The following TCERG1L variants were observed in gnomAD, a reference collection of about 807,000 sequenced individuals.
TCERG1L encodes the protein transcription elongation regulator 1-like protein.
Under a neutral mutation model 56.3 loss-of-function variants are expected in TCERG1L, and 37 were observed. The observed-to-expected ratio is 0.66, with a 90% CI of 0.51 to 0.87. TCERG1L has a LOEUF of 0.87. TCERG1L is among the 40% of genes least tolerant of loss of function. The pLI, the probability that TCERG1L is intolerant of heterozygous loss-of-function variation, is 0.00. For missense variants in TCERG1L, 799 were observed against 774.2 expected, an observed-to-expected ratio of 1.03 and a Z score of -0.38; for synonymous variants, 324 against 326.3, an observed-to-expected ratio of 0.99 and a Z score of 0.08.
intron 6 of TCERG1L, chr10:131,162,775 A>C (rs1400962318): frequency 5.3e-6 from 1 of 190,372 alleles, no homozygotes; most frequent in Non-Finnish European, 1.1e-5. Flanking sequence ...ACTGCCATTC[A>C]GTTACGATTC....
intron 4 of TCERG1L, among the ~76,000 whole-genome samples, chr10:131,257,049 G>GAAAGAAAAAGAAAAGA (rs1846180516): frequency 4.0e-4 from 56 of 140,358 alleles, no homozygotes; most frequent in African/African-American, 1.4e-3. Context: ...AAGAAAGAAA[G>GAAAGAAAAAGAAAAGA]AAAGAAAAGA....
chr10:131,127,609 G>T (rs1380404918), intron 8 of TCERG1L, among the ~76,000 whole-genome samples: 1 of 152,220 alleles, frequency 6.6e-6, no homozygotes, highest in African/African-American at 2.4e-5. Context: ...GAGATGCCAG[G>T]GAATGGAGGG....
intron 4 of TCERG1L, among the ~76,000 whole-genome samples, chr10:131,228,272 G>A (rs867204536): frequency 6.6e-4 from 51 of 76,692 alleles, no homozygotes; most frequent in African/African-American, 2.5e-3. Context: ...CAAGGCCTCC[G>A]GAGTCTCCCC....
rs117181829 is a variant in TCERG1L, at chr10:131,170,221, C to T, written c.857-3336G>A. ...TGGGTCTGCGTGTCAGCCATTCCAC[C>T]GTGGAAGTGCTTATTCTACGGCTCT... On this transcript the variant is annotated intron_variant, in intron 4 of 11. Coordinates refer to ENST00000368642, the MANE Select transcript of TCERG1L (RefSeq NM_174937.4). 7.1e-4 allele frequency among the ~76,000 whole-genome samples: 108 copies of T among 152,162 alleles called. No homozygotes were observed. The East Asian group carries it at 0.02, about 28-fold the overall frequency.
At chr10:131,147,954 G>A (rs932269914) in intron 6 of TCERG1L, among the ~76,000 whole-genome samples, 5 of 152,204 alleles carry the variant, frequency 3.3e-5, no homozygotes, top group African/African-American at 1.2e-4. Flanking sequence ...GCCAGGCAGA[G>A]GGCTCAGGGC....
chr10:131,131,162 G>A (rs774293638), intron 8 of TCERG1L, among the ~76,000 whole-genome samples: 4 of 152,112 alleles, frequency 2.6e-5, no homozygotes, highest in South Asian at 2.1e-4. Flanking sequence ...GATTCGAGCC[G>A]CGGTGTCCAG....
intron 4 of TCERG1L, among the ~76,000 whole-genome samples, chr10:131,243,002 T>C (rs1435178404): frequency 6.6e-6 from 1 of 152,202 alleles, no homozygotes; most frequent in Admixed American, 6.5e-5. Context: ...GGTCACCATT[T>C]TGTGAAACTC....
At chr10:131,119,856 G>A (rs1845496296) in intron 8 of TCERG1L, among the ~76,000 whole-genome samples, 1 of 152,234 alleles carries the variant, frequency 6.6e-6, no homozygotes, top group African/African-American at 2.4e-5. Context: ...AGCCAGGGAG[G>A]TAGCCTTACT....
At chr10:131,292,875 C>T (rs1434531900) in intron 3 of TCERG1L, among the ~76,000 whole-genome samples, 2 of 144,454 alleles carry the variant, frequency 1.4e-5, no homozygotes, top group Non-Finnish European at 3.0e-5. Flanking sequence ...TTTTTTGAGA[C>T]AGAATCTTGC....
chr10:131,197,859 C>T (rs998967168), intron 4 of TCERG1L, among the ~76,000 whole-genome samples: 3 of 152,188 alleles, frequency 2.0e-5, no homozygotes, highest in Admixed American at 6.5e-5. Context: ...ATCACATAAT[C>T]GAGGAAATTG....
chr10:131,291,620 G>A (rs1846627955), intron 3 of TCERG1L, among the ~76,000 whole-genome samples: 1 of 150,832 alleles, frequency 6.6e-6, no homozygotes, highest in South Asian at 2.1e-4. Flanking sequence ...TAGAAACGGG[G>A]TTTCACCGTG....
intron 3 of TCERG1L, among the ~76,000 whole-genome samples, chr10:131,272,033 C>A (rs1356122448): frequency 6.6e-6 from 1 of 152,192 alleles, no homozygotes; most frequent in Non-Finnish European, 1.5e-5. Flanking sequence ...GCCCAGCAAG[C>A]TTCACAGGGA....
At chr10:131,300,380 C>A (rs1031891837) in intron 3 of TCERG1L, among the ~76,000 whole-genome samples, 6 of 152,120 alleles carry the variant, frequency 3.9e-5, no homozygotes, top group Admixed American at 2.6e-4. Context: ...ATAAGTTAAA[C>A]CATTTGATAT....
At chr10:131,306,415 T>G (rs1846819056) in intron 3 of TCERG1L, among the ~76,000 whole-genome samples, 1 of 133,326 alleles carries the variant, frequency 7.5e-6, no homozygotes, top group Non-Finnish European at 1.7e-5. Context: ...ATATGATCCG[T>G]AAATTAAAAA....
intron 3 of TCERG1L, among the ~76,000 whole-genome samples, chr10:131,293,142 T>C (rs1267063590): frequency 2.0e-5 from 3 of 152,214 alleles, no homozygotes; most frequent in East Asian, 1.9e-4. Context: ...TGAGCCACTA[T>C]GCCCGGTCTT....
At chr10:131,196,934 C>T (rs1044409060) in intron 4 of TCERG1L, among the ~76,000 whole-genome samples, 3 of 152,146 alleles carry the variant, frequency 2.0e-5, no homozygotes, top group Non-Finnish European at 2.9e-5. Flanking sequence ...CTGACTTGCC[C>T]CCTAAAATGA....
intron 3 of TCERG1L, among the ~76,000 whole-genome samples, chr10:131,282,137 G>GAAAA (rs543405432): frequency 4.3e-5 from 4 of 92,542 alleles, no homozygotes; most frequent in African/African-American, 8.9e-5. Flanking sequence ...CTCCATCTCA[G>GAAAA]AAAAAAAAAA....
At chr10:131,151,914 C>T (rs1845871132) in intron 6 of TCERG1L, among the ~76,000 whole-genome samples, 4 of 152,242 alleles carry the variant, frequency 2.6e-5, no homozygotes, top group Admixed American at 2.6e-4. Flanking sequence ...AGGCTTGGGG[C>T]TTGCACCTTC....
At chr10:131,189,290 A>G (rs912822638) in intron 4 of TCERG1L, among the ~76,000 whole-genome samples, 13 of 152,200 alleles carry the variant, frequency 8.5e-5, no homozygotes, top group African/African-American at 3.1e-4. Context: ...CAAATAACAC[A>G]CAGTGTGCCC....
Sources: allele counts gnomAD v4.1 joint callset (sites outside exome capture counted in the v4.1 genomes callset), GRCh38; gene constraint gnomAD v4.1.1; transcripts MANE v1.5; gene names NCBI Gene and HGNC (gene_info 2026-07-23, HGNC 2026-07-21).